Variants in CACNA2D3 observed in about 807,000 individuals in gnomAD.
CACNA2D3 encodes the protein voltage-dependent calcium channel subunit alpha-2/delta-3.
CACNA2D3 carries 60 observed loss-of-function variants against 160.6 expected under a neutral mutation model. That is an observed-to-expected ratio of 0.37 (90% confidence interval 0.30 to 0.46). The LOEUF (loss-of-function observed/expected upper bound fraction) is 0.46, where lower values mean the gene tolerates loss of function less well. Ranked by LOEUF, CACNA2D3 falls within the 20% of genes least tolerant of loss-of-function variation. The probability of loss-of-function intolerance (pLI) is 1.00; values close to 1 mark genes in which losing one functional copy is unlikely to be tolerated. For missense variants in CACNA2D3, 1,205 were observed against 1,365.0 expected (o/e 0.88, Z 1.85); for synonymous variants, 558 against 492.9 (o/e 1.13, Z -1.75).
chr3:55,006,578 C>T (rs140246098), intron 32 of CACNA2D3, among the ~76,000 whole-genome samples: 12 of 152,316 alleles, frequency 7.9e-5, no homozygotes, highest in African/African-American at 2.6e-4. Flanking sequence ...CCTTATCTGA[C>T]CCTAATCCTG....
intron 13 of CACNA2D3, among the ~76,000 whole-genome samples, chr3:54,771,943 G>C (rs1431765511): frequency 6.6e-6 from 1 of 151,988 alleles, no homozygotes; most frequent in Non-Finnish European, 1.5e-5. Context: ...CCTGCAAACT[G>C]TCAAGAGAAG....
chr3:54,777,996 C>T (rs1218634889), intron 13 of CACNA2D3, among the ~76,000 whole-genome samples: 1 of 152,176 alleles, frequency 6.6e-6, no homozygotes, highest in Non-Finnish European at 1.5e-5. Context: ...GTAGGATCAC[C>T]ACGGGCTTAA....
chr3:54,524,461 G>A (rs1234266652), intron 5 of CACNA2D3, among the ~76,000 whole-genome samples: 1 of 152,062 alleles, frequency 6.6e-6, no homozygotes, highest in Non-Finnish European at 1.5e-5. Flanking sequence ...CACGTGAGAA[G>A]AATGTGTAAT....
intron 2 of CACNA2D3, among the ~76,000 whole-genome samples, chr3:54,170,347 C>A (rs1700540376): frequency 1.3e-5 from 2 of 152,076 alleles, no homozygotes; most frequent in Non-Finnish European, 2.9e-5. Flanking sequence ...CCACATCAGA[C>A]CCAATAGGAG....
intron 11 of CACNA2D3, among the ~76,000 whole-genome samples, chr3:54,646,184 C>CTTCCTTCCTTCCTTCCT (rs1699642192): frequency 2.0e-4 from 3 of 14,908 alleles, no homozygotes; most frequent in African/African-American, 6.4e-4. Context: ...CCCTCCCTCC[C>CTTCCTTCCTTCCTTCCT]TCCTTCCTTG....
At chr3:54,541,436 G>A (rs1218944940) in intron 5 of CACNA2D3, among the ~76,000 whole-genome samples, 1 of 152,126 alleles carries the variant, frequency 6.6e-6, no homozygotes, top group Non-Finnish European at 1.5e-5. Context: ...ACCACGAGAA[G>A]CTAGGAGAGG....
chr3:54,330,257 G>A (rs1704218046), intron 3 of CACNA2D3, among the ~76,000 whole-genome samples: 1 of 149,994 alleles, frequency 6.7e-6, no homozygotes, highest in African/African-American at 2.5e-5. Flanking sequence ...TGTCACTTGG[G>A]AAGGAAAATC....
At chr3:54,926,080 C>CTT (rs1459450340) in intron 27 of CACNA2D3, among the ~76,000 whole-genome samples, 8 of 152,094 alleles carry the variant, frequency 5.3e-5, no homozygotes, top group African/African-American at 1.7e-4. Context: ...GTTGAACTTA[C>CTT]TTTGATTCAT....
chr3:54,223,127 T>C (rs62252197), intron 2 of CACNA2D3, among the ~76,000 whole-genome samples: 4,914 of 152,294 alleles, frequency 0.032, 104 homozygotes, highest in Middle Eastern at 0.071. Flanking sequence ...CATATTTAAC[T>C]AGTTTAAGGT....
intron 27 of CACNA2D3, among the ~76,000 whole-genome samples, chr3:54,936,322 G>A (rs899521101): frequency 1.3e-5 from 2 of 152,286 alleles, no homozygotes; most frequent in Admixed American, 1.3e-4. Context: ...TATTCTGCCC[G>A]TGGACAGAGC....
intron 3 of CACNA2D3, among the ~76,000 whole-genome samples, chr3:54,328,134 T>C (rs944367572): frequency 6.6e-6 from 1 of 152,250 alleles, no homozygotes; most frequent in Non-Finnish European, 1.5e-5. Context: ...TCTTTCCAGA[T>C]TGTTCTACAG....
chr3:54,719,594 C>A (rs1347193612), intron 11 of CACNA2D3, among the ~76,000 whole-genome samples: 1 of 151,988 alleles, frequency 6.6e-6, no homozygotes, highest in African/African-American at 2.4e-5. Flanking sequence ...AAGACAGATA[C>A]TGGTCTGAAA....
chr3:54,929,336 C>G (rs1701122183), intron 27 of CACNA2D3, among the ~76,000 whole-genome samples: 1 of 152,216 alleles, frequency 6.6e-6, no homozygotes, highest in African/African-American at 2.4e-5. Flanking sequence ...GATTTGTATG[C>G]TGCCAACTTC....
At chr3:54,342,796 A>G (rs2107526778) in intron 3 of CACNA2D3, among the ~76,000 whole-genome samples, 1 of 152,352 alleles carries the variant, frequency 6.6e-6, no homozygotes. Context: ...TACCACTTGC[A>G]GAGGTGGCGA....
rs369161221 is a variant in CACNA2D3, at chr3:54,426,781, AT to A, written c.381+40017del. 2.8e-3 allele frequency among the ~76,000 whole-genome samples: 413 copies of A among 150,110 alleles called. 4 individuals are homozygous for A. The highest frequency in any genetic ancestry group is 9.7e-3 in the African/African-American group (396 of 40,886). On this transcript the variant is annotated intron_variant, in intron 4 of 37. Transcript: ENST00000474759. ...TTCTTGTGTAAAAATGCATTCTTTG[AT>A]TTTTTTTTTCATTTTACAAAGTAAT...
chr3:54,812,965 A>G (rs964409349), intron 13 of CACNA2D3, among the ~76,000 whole-genome samples: 1 of 152,242 alleles, frequency 6.6e-6, no homozygotes, highest in Non-Finnish European at 1.5e-5. Context: ...AGTCCAATCA[A>G]CAGTGACTAT....
At chr3:54,634,085 G>C (rs1362539401) in intron 10 of CACNA2D3, among the ~76,000 whole-genome samples, 1 of 152,174 alleles carries the variant, frequency 6.6e-6, no homozygotes, top group Non-Finnish European at 1.5e-5. Context: ...CTCCACATCA[G>C]ATGTCTAAGT....
intron 3 of CACNA2D3, among the ~76,000 whole-genome samples, chr3:54,385,448 G>A (rs916275309): frequency 6.6e-6 from 1 of 152,122 alleles, no homozygotes; most frequent in African/African-American, 2.4e-5. Flanking sequence ...TGTTCTCTGG[G>A]GATTGTTCTT....
At chr3:54,446,425 A>G (rs1700222845) in intron 4 of CACNA2D3, among the ~76,000 whole-genome samples, 1 of 152,128 alleles carries the variant, frequency 6.6e-6, no homozygotes, top group Non-Finnish European at 1.5e-5. Flanking sequence ...GGCAGAGGGA[A>G]GAAAAGAAGT....
Sources: allele counts gnomAD v4.1 joint callset (sites outside exome capture counted in the v4.1 genomes callset), GRCh38; gene constraint gnomAD v4.1.1; transcripts MANE v1.5; gene names NCBI Gene and HGNC (gene_info 2026-07-23, HGNC 2026-07-21).